Variants in TJP1 observed in about 807,000 individuals in gnomAD.
TJP1 encodes the protein tight junction protein ZO-1.
Under a neutral mutation model 194.2 loss-of-function variants are expected in TJP1, and 43 were observed. The ratio of observed to expected loss-of-function variants is 0.22; its 90% CI spans 0.17 to 0.29. The LOEUF (loss-of-function observed/expected upper bound fraction) is 0.29, where lower values mean the gene tolerates loss of function less well. Among genes scored for constraint, TJP1 ranks in the 10% least tolerant of loss-of-function variants. The pLI, the probability that TJP1 is intolerant of heterozygous loss-of-function variation, is 1.00. For missense variants in TJP1, 1,971 were observed against 2,185.7 expected (o/e 0.90, Z 1.96); for synonymous variants, 801 against 779.0 (o/e 1.03, Z -0.47).
intron 23 of TJP1, among the ~76,000 whole-genome samples, chr15:29,714,968 A>G (rs999507204): frequency 6.6e-6 from 1 of 152,238 alleles, no homozygotes; most frequent in African/African-American, 2.4e-5. Context: ...TTTAGTAAAA[A>G]TAATAACTAA....
intron 23 of TJP1, among the ~76,000 whole-genome samples, chr15:29,715,719 A>G (rs1705951831): frequency 6.6e-6 from 1 of 152,170 alleles, no homozygotes; most frequent in African/African-American, 2.4e-5. Context: ...GGCCTGGCCT[A>G]ATCAGCAGAG....
intron 1 of TJP1, among the ~76,000 whole-genome samples, chr15:29,806,924 G>A (rs1162773765): frequency 6.6e-6 from 1 of 152,102 alleles, no homozygotes; most frequent in Non-Finnish European, 1.5e-5. Flanking sequence ...AAATGAAGAA[G>A]GGTCCTAACG....
At chr15:29,968,710 G>A in exon 1 of TJP1, 1 of 1,208,006 alleles carries the variant, frequency 8.3e-7, no homozygotes, top group Admixed American at 2.7e-5. Context: ...CGGTTGGAGG[G>A]GGTGACGCCG....
chr15:29,726,975 A>G lies in TJP1; in HGVS notation c.2117T>C (p.Leu706Ser). ...QIIDQDKHALLDVTPNAVDRL... is the reference protein window; with the variant it reads ...QIIDQDKHALSDVTPNAVDRL... ...ATCAACTGCATTTGGTGTTACATCT[A>G]ATAAAGCATGTTTGTCCTAGAAACA... is the stretch of plus-strand genomic sequence containing the variant. Residue 706 changes from leucine to serine, a missense_variant, in exon 17 of 28, where the codon TTA becomes TCA. Around this residue, in one of 5 missense-constraint regions of TJP1, gnomAD observed 402 missense variants for 484.2 expected, o/e 0.83. Transcript: ENST00000614355. The G allele has an allele frequency of 6.2e-7, 1 of 1,613,976 alleles. No homozygotes were observed. The highest frequency in any genetic ancestry group is 8.5e-7 in the Non-Finnish European group (1 of 1,179,914).
chr15:29,938,331 A>G (rs2054949953), intron 2 of TJP1, among the ~76,000 whole-genome samples: 2 of 152,378 alleles, frequency 1.3e-5, no homozygotes, highest in African/African-American at 4.8e-5. Flanking sequence ...TTTAAAAATT[A>G]ATACACAGTA....
chr15:29,736,859 T>C (rs1280424159), intron 11 of TJP1, among the ~76,000 whole-genome samples: 1 of 152,190 alleles, frequency 6.6e-6, no homozygotes, highest in African/African-American at 2.4e-5. Context: ...AGATGACTCA[T>C]ATGGGAGAGG....
intron 2 of TJP1, among the ~76,000 whole-genome samples, chr15:29,869,102 A>T (rs1475924056): frequency 1.3e-5 from 2 of 152,260 alleles, no homozygotes; most frequent in African/African-American, 4.8e-5. Flanking sequence ...TGAGAAAAAT[A>T]AAGCCAGATT....
intron 2 of TJP1, among the ~76,000 whole-genome samples, chr15:29,778,081 C>A (rs191662911): frequency 6.6e-6 from 1 of 152,022 alleles, no homozygotes; most frequent in African/African-American, 2.4e-5. Flanking sequence ...ATAAGCAAGG[C>A]AGGGATGCGA....
At chr15:29,717,731 A>C (rs1387001114) in intron 22 of TJP1, among the ~76,000 whole-genome samples, 1 of 152,248 alleles carries the variant, frequency 6.6e-6, no homozygotes, top group African/African-American at 2.4e-5. Context: ...AAAACTAAAA[A>C]ACATAATACA....
At chr15:29,823,366 A>G (rs556054538), upstream of TJP1, 2 of 152,318 alleles carry the variant, frequency 1.3e-5, no homozygotes, top group Admixed American at 6.5e-5. Context: ...ACCAAGGAAC[A>G]TGGTAAGAAA....
chr15:29,783,361 C>A (rs1337047850), intron 2 of TJP1, among the ~76,000 whole-genome samples: 1 of 152,080 alleles, frequency 6.6e-6, no homozygotes, highest in African/African-American at 2.4e-5. Flanking sequence ...ATAACAGATG[C>A]TGGCAAGGCT....
chr15:29,728,570 C>T (rs530198124), intron 15 of TJP1: 297 of 154,040 alleles, frequency 1.9e-3, no homozygotes, highest in Admixed American at 4.6e-3. Flanking sequence ...TCATCTGTAA[C>T]TGTGAGACAG....
intron 2 of TJP1, among the ~76,000 whole-genome samples, chr15:29,929,015 A>G (rs2054617787): frequency 6.6e-6 from 1 of 152,208 alleles, no homozygotes; most frequent in Admixed American, 6.5e-5. Flanking sequence ...GAAGCTGAAT[A>G]ACAACCAATA....
intron 1 of TJP1, among the ~76,000 whole-genome samples, 188 bp downstream of exon 1, chr15:29,821,814 C>T (rs915365495): frequency 2.0e-5 from 3 of 146,526 alleles, no homozygotes; most frequent in African/African-American, 7.3e-5. Context: ...CGGCCCGCGC[C>T]GCCCCCGCCC....
At chr15:29,809,039 G>A (rs564581015) in intron 1 of TJP1, among the ~76,000 whole-genome samples, 2 of 152,074 alleles carry the variant, frequency 1.3e-5, no homozygotes, top group East Asian at 3.9e-4. Flanking sequence ...ACTGAGATAT[G>A]GTATATGTAA....
chr15:29,949,466 A>T (rs1406268790), intron 2 of TJP1, among the ~76,000 whole-genome samples: 366 of 106,524 alleles, frequency 3.4e-3, no homozygotes, highest in South Asian at 0.027. Context: ...CACTTCCACC[A>T]CCACCACCTC....
rs188848929 is a variant in TJP1 at position 29,716,770 on chromosome 15, G to A, written c.4043C>T (p.Pro1348Leu). ...TCGATAATATTCTTCATCTTCTTCA[G>A]GGTCATAATGATTGGACCGAACAAT... ...EDIVRSNHYD[P>L]EEDEEYYRKQ... Residue 1348 changes from proline to leucine, a missense_variant, in exon 23 of 28, where the codon CCT becomes CTT. Physicochemically the swap from Pro to Leu is moderately conservative, Grantham distance 98 (BLOSUM62 -3). Coordinates refer to ENST00000614355, the MANE Select transcript of TJP1 (RefSeq NM_001330239.4). The A allele has an allele frequency of 3.7e-4, 592 of 1,614,074 alleles. 1 individual carries two copies. Among genetic ancestry groups the A allele is most frequent in the Non-Finnish European group, 4.8e-4 (570 of 1,179,974 alleles).
intron 14 of TJP1, 40 bp downstream of exon 14, chr15:29,732,590 AC>A: frequency 6.2e-7 from 1 of 1,612,834 alleles, no homozygotes; most frequent in African/African-American, 1.3e-5. Flanking sequence ...AAACATATTG[AC>A]GTTAAAGGGT....
At chr15:29,917,243 A>G (rs1166006524) in intron 2 of TJP1, among the ~76,000 whole-genome samples, 1 of 152,238 alleles carries the variant, frequency 6.6e-6, no homozygotes, top group Non-Finnish European at 1.5e-5. Context: ...GATGTGTACA[A>G]TAAGATAAAC....
Sources: gnomAD v4.1 joint callset for allele counts (sites outside exome capture counted in the v4.1 genomes callset) on GRCh38, gnomAD v4.1.1 for gene constraint, gnomAD v4.1.1 regional missense constraint, MANE v1.5 for transcripts, NCBI Gene and HGNC (gene_info 2026-07-23, HGNC 2026-07-21) for gene names.